The following SPC25 variants were observed in gnomAD, a reference collection of about 807,000 sequenced individuals.
SPC25 encodes SPC25 component of NDC80 kinetochore complex, also known as kinetochore protein Spc25.
A neutral mutation model predicts 29.6 loss-of-function variants in SPC25; 22 were observed. The observed-to-expected ratio is 0.74, with a 90% CI of 0.53 to 1.06. SPC25 has a LOEUF of 1.06. Ranked by LOEUF, SPC25 falls within the 50% of genes least tolerant of loss-of-function variation. SPC25 has a pLI of 0.00. For missense variants in SPC25, 230 were observed against 255.8 expected (o/e 0.90, Z 0.69); for synonymous variants, 91 against 90.4 (o/e 1.01, Z -0.04).
chr2:168,871,683 A>T, intron 6 of SPC25, 128 bp from the exon 7 acceptor site: 1 of 860,150 alleles, frequency 1.2e-6, no homozygotes, highest in East Asian at 2.8e-5. Flanking sequence ...TTCTTTGAGC[A>T]AAAAAGGATA....
chr2:168,863,018 T>C lies in SPC25; in HGVS notation n.419+10567A>G, dbSNP rs934546461. On this transcript the variant is annotated intron_variant and non_coding_transcript_variant, in intron 4 of 4. Coordinates refer to the SPC25 transcript ENST00000479309. ...CTCCAGGCAATTACTTTTCTTCCTA[T>C]GTGAATAAAAGACAGACATACTTCC... is the stretch of plus-strand genomic sequence containing the variant. Among the ~76,000 whole-genome samples, 4 of 43,226 alleles carry C rather than the reference T, an allele frequency of 9.3e-5. No homozygotes were observed. In the South Asian group the frequency reaches 4.1e-3, roughly 44 times the overall value. The allele number at this position is 43,226 out of a possible 152,430, so 28.4% of individuals were successfully genotyped here. A position where few individuals can be genotyped will look rare whatever the true frequency, so the allele number is the denominator to read the frequency against.
Position 168,884,752 on chromosome 2 carries a change from G to C in SPC25, c.199+4474C>G, listed in dbSNP as rs192782844. 9.9e-5 allele frequency: 15 copies of C among 152,220 alleles called. No homozygotes were observed. The South Asian group carries it at 2.7e-3, about 27-fold the overall frequency. 9.4% of individuals were successfully genotyped at this position (152,220 alleles called of 1,614,324 possible). On this transcript the variant is annotated intron_variant, in intron 3 of 6. Transcript: ENST00000282074. ...ATGTAATGCTCTGAAGATGAGTAAG[G>C]CTTCTGGAGTTAATCTGATGATCTG...
Position 168,873,690 on chromosome 2 carries a change from A to G in SPC25, c.452-7T>C, listed in dbSNP as rs192900584. Reference sequence around the variant, plus strand: ...ATAAACTGCAATTTCTCACCTGAAAAGAGATTAAACTATTTAGTGTGTCAA... The same window carrying G: ...ATAAACTGCAATTTCTCACCTGAAAGGAGATTAAACTATTTAGTGTGTCAA... On this transcript the variant is annotated splice_polypyrimidine_tract_variant and splice_region_variant and intron_variant, in intron 5 of 6. Transcript: ENST00000282074. 1.0e-5 allele frequency: 16 copies of G among 1,586,912 alleles called. No individual in the cohort carries two copies. The East Asian group carries it at 2.5e-4, about 25-fold the overall frequency.
At chr2:168,868,062 A>T (rs374146907), downstream of SPC25, among the ~76,000 whole-genome samples, 3 of 133,122 alleles carry the variant, frequency 2.3e-5, no homozygotes, top group Admixed American at 7.7e-5. Flanking sequence ...ACTCAAAACC[A>T]CTCAACTACA....
intron 4 of SPC25, among the ~76,000 whole-genome samples, chr2:168,864,267 G>A (rs1358109132): frequency 7.9e-6 from 1 of 126,350 alleles, no homozygotes; most frequent in African/African-American, 3.2e-5. Context: ...GTCAGCCACC[G>A]TGCCTGGCTG....
chr2:168,879,031 T>G (rs1355340268), intron 3 of SPC25, among the ~76,000 whole-genome samples: 1 of 152,228 alleles, frequency 6.6e-6, no homozygotes, highest in Non-Finnish European at 1.5e-5. Context: ...TTAAAAATAT[T>G]TTATTGCTAA....
chr2:168,871,492 T>C lies in SPC25; in HGVS notation c.614A>G (p.Asn205Ser), dbSNP rs1234337873. 2 of 1,611,594 alleles carry C rather than the reference T, an allele frequency of 1.2e-6. No individual in the cohort carries two copies. The highest frequency in any genetic ancestry group is 1.7e-6 in the Non-Finnish European group (2 of 1,178,958). Residue 205 changes from asparagine (N) to serine (S), a missense_variant, in exon 7 of 7, where the codon AAC (asparagine) becomes AGC (serine). By Grantham distance (46) the Asn-to-Ser change is conservative. Coordinates refer to ENST00000282074, the MANE Select transcript of SPC25 (RefSeq NM_020675.4). Reference sequence around the variant, plus strand: ...ATTGGCAAGAAAAGCTGAAAAATTGTTGGTCTTCCTTACATTCTCTTGAAA... The same window carrying C: ...ATTGGCAAGAAAAGCTGAAAAATTGCTGGTCTTCCTTACATTCTCTTGAAA... ...AEFQENVRKTNNFSAFLANVR... is the reference protein window; with the variant it reads ...AEFQENVRKTSNFSAFLANVR...
rs1255187601 is a variant in SPC25, at chr2:168,890,385, C to T, written c.-82G>A. 2.0e-6 allele frequency: 2 copies of T among 985,532 alleles called. No homozygotes were observed. The highest frequency in any genetic ancestry group is 1.7e-5 in the African/African-American group (1 of 57,378). The allele number at this position is 985,532 out of a possible 1,614,324, so 61.0% of individuals were successfully genotyped here. On this transcript the variant is annotated 5_prime_UTR_variant, in exon 1 of 7. Coordinates refer to ENST00000282074, the MANE Select transcript of SPC25 (RefSeq NM_020675.4). ...ATCCGCGCCCACTCTAGCCAACAGCCGGACTCTAGGCTCAGCTCCCGCAGC... is the reference window on the plus strand; with the variant it reads ...ATCCGCGCCCACTCTAGCCAACAGCTGGACTCTAGGCTCAGCTCCCGCAGC...
At chr2:168,864,869 G>C in intron 4 of SPC25, 1 of 1,613,928 alleles carries the variant, frequency 6.2e-7, no homozygotes, top group Non-Finnish European at 8.5e-7. Flanking sequence ...AAAAGAAGGA[G>C]GATGGTGGTT....
chr2:168,877,267 A>C lies in SPC25; in HGVS notation c.317T>G (p.Leu106Arg). 6.2e-7 allele frequency: 1 copy of C among 1,613,660 alleles called. No homozygotes were observed. The highest frequency in any genetic ancestry group is 8.5e-7 in the Non-Finnish European group (1 of 1,179,804). The change falls in exon 4 of 7, where the codon CTT becomes CGT. Residue 106 changes from leucine to arginine, a missense_variant. Physicochemically the swap from Leu to Arg is moderately radical, Grantham distance 102. Coordinates refer to ENST00000282074, the MANE Select transcript of SPC25 (RefSeq NM_020675.4). ...LEVLTANIQDLKEEYSRKKET... is the reference protein window; with the variant it reads ...LEVLTANIQDRKEEYSRKKET... Reference sequence around the variant, plus strand: ...CTTCTTCCTAGAATATTCTTCCTTAAGATCCTGGATATTTGCAGTCAGTAC... The same window carrying C: ...CTTCTTCCTAGAATATTCTTCCTTACGATCCTGGATATTTGCAGTCAGTAC...
chr2:168,877,515 T>A lies in SPC25; in HGVS notation c.200-131A>T, dbSNP rs1690109341. Reference sequence around the variant, plus strand: ...TTGACTGATAAGCATTTTCTAATGATTCAAAATTATAAAAGACAAAAAAGA... The same window carrying A: ...TTGACTGATAAGCATTTTCTAATGAATCAAAATTATAAAAGACAAAAAAGA... On this transcript the variant is annotated intron_variant, in intron 3 of 6. Coordinates refer to ENST00000282074, the MANE Select transcript of SPC25 (RefSeq NM_020675.4). 4 of 1,040,120 alleles carry A rather than the reference T, an allele frequency of 3.8e-6. No individual in the cohort carries two copies. The South Asian group carries it at 5.1e-5, about 13-fold the overall frequency. The allele number at this position is 1,040,120 out of a possible 1,614,324, so 64.4% of individuals were successfully genotyped here. A position where few individuals can be genotyped will look rare whatever the true frequency, so the allele number is the denominator to read the frequency against.
chr2:168,879,341 A>G (rs1180003069), intron 3 of SPC25, among the ~76,000 whole-genome samples: 1 of 152,238 alleles, frequency 6.6e-6, no homozygotes, highest in African/African-American at 2.4e-5. Flanking sequence ...AGTTTATATA[A>G]TAGTCTAAAT....
downstream of SPC25, among the ~76,000 whole-genome samples, chr2:168,867,378 C>T (rs929284365): frequency 5.3e-5 from 8 of 152,186 alleles, no homozygotes; most frequent in Non-Finnish European, 1.2e-4. Flanking sequence ...CAAATTCACA[C>T]ATGACAATAT....
intron 4 of SPC25, chr2:168,863,523 T>C (rs1370615405): frequency 1.0e-6 from 1 of 985,268 alleles, no homozygotes; most frequent in Non-Finnish European, 1.2e-6. Flanking sequence ...AGAGCCATGT[T>C]TCTTGTCCAA....
At chr2:168,876,422 T>C (rs1017137828) in intron 4 of SPC25, among the ~76,000 whole-genome samples, 7 of 152,090 alleles carry the variant, frequency 4.6e-5, no homozygotes, top group East Asian at 1.9e-4. Flanking sequence ...TACTTTATTA[T>C]GTAGTAGCAT....
chr2:168,890,401 C>G lies in SPC25; in HGVS notation c.-98G>C, dbSNP rs1317714503. On this transcript the variant is annotated 5_prime_UTR_variant, in exon 1 of 7. Coordinates refer to ENST00000282074, the MANE Select transcript of SPC25 (RefSeq NM_020675.4). Reference sequence around the variant, plus strand: ...GCCAACAGCCGGACTCTAGGCTCAGCTCCCGCAGCCCCGCCAACTTTCCGA... The same window carrying G: ...GCCAACAGCCGGACTCTAGGCTCAGGTCCCGCAGCCCCGCCAACTTTCCGA... The G allele has an allele frequency of 1.0e-6, 1 of 985,538 alleles. No homozygotes were observed. Among genetic ancestry groups the G allele is most frequent in the African/African-American group, 1.7e-5 (1 of 57,378 alleles). 61.0% of individuals were successfully genotyped at this position (985,538 alleles called of 1,614,324 possible).
chr2:168,884,889 A>C (rs1380182117), intron 3 of SPC25: 1 of 152,196 alleles, frequency 6.6e-6, no homozygotes, highest in East Asian at 1.9e-4. Flanking sequence ...TGGTCAATGT[A>C]AGGCATTTAG....
At chr2:168,866,546 C>G (rs1307499409), downstream of SPC25, among the ~76,000 whole-genome samples, 1 of 152,052 alleles carries the variant, frequency 6.6e-6, no homozygotes, top group Non-Finnish European at 1.5e-5. Context: ...CTAGGCAATA[C>G]CATTCAGGAC....
intron 3 of SPC25, among the ~76,000 whole-genome samples, chr2:168,886,809 C>T (rs905725684): frequency 6.6e-6 from 1 of 151,956 alleles, no homozygotes; most frequent in Non-Finnish European, 1.5e-5. Context: ...GTGAACCACC[C>T]CGCCCGGCCA....
Sources: allele counts gnomAD v4.1 joint callset (sites outside exome capture counted in the v4.1 genomes callset), GRCh38; gene constraint gnomAD v4.1.1; transcripts MANE v1.5; gene names NCBI Gene and HGNC (gene_info 2026-07-23, HGNC 2026-07-21).